PAX7: variants seen among roughly 807,000 people sequenced by gnomAD.
PAX7 encodes the protein paired box protein Pax-7.
A neutral mutation model predicts 50.7 loss-of-function variants in PAX7; 18 were observed. The ratio of observed to expected loss-of-function variants is 0.36; its 90% CI spans 0.25 to 0.53. The LOEUF is 0.53. PAX7 is among the 20% of genes least tolerant of loss of function. PAX7 has a pLI of 0.93. For synonymous variants in PAX7, 310 were observed against 290.4 expected (o/e 1.07, Z -0.69); for missense variants, 644 against 702.9 (o/e 0.92, Z 0.95).
chr1:18,650,083 GC>G (rs987514079), intron 4 of PAX7, among the ~76,000 whole-genome samples: 1 of 152,198 alleles, frequency 6.6e-6, no homozygotes, highest in Non-Finnish European at 1.5e-5. Context: ...GGGAGGCAGG[GC>G]TTTGTCCTGG....
intron 7 of PAX7, among the ~76,000 whole-genome samples, chr1:18,716,099 C>T (rs1055693954): frequency 4.6e-5 from 7 of 152,154 alleles, no homozygotes; most frequent in East Asian, 1.9e-4. Flanking sequence ...GCTGTGAACA[C>T]GCTTCTCCAA....
chr1:18,698,272 TACAC>T (rs71018097), intron 5 of PAX7, among the ~76,000 whole-genome samples: 66 of 147,416 alleles, frequency 4.5e-4, no homozygotes, highest in South Asian at 8.7e-4. Context: ...ATTGTTAAAA[TACAC>T]ACACACACAC....
intron 4 of PAX7, among the ~76,000 whole-genome samples, chr1:18,662,378 A>G (rs1273240371): frequency 2.6e-5 from 4 of 152,202 alleles, no homozygotes; most frequent in Non-Finnish European, 5.9e-5. Context: ...ACCTTTCTGC[A>G]GTCCTGGAAT....
chr1:18,655,011 A>G (rs975757632), intron 4 of PAX7, among the ~76,000 whole-genome samples: 1 of 152,216 alleles, frequency 6.6e-6, no homozygotes, highest in African/African-American at 2.4e-5. Context: ...CCACCGTGAT[A>G]TTAGTTCCTG....
intron 4 of PAX7, among the ~76,000 whole-genome samples, chr1:18,660,952 T>G (rs1022372657): frequency 4.6e-5 from 7 of 152,074 alleles, no homozygotes; most frequent in African/African-American, 1.7e-4. Flanking sequence ...CGTTAGGGTT[T>G]TGTAAGGCTG....
chr1:18,631,106 G>C lies in PAX7; in HGVS notation c.-498G>C, dbSNP rs1002378698. 4.4e-6 allele frequency: 1 copy of C among 228,776 alleles called. No individual in the cohort carries two copies. Among genetic ancestry groups the C allele is most frequent in the African/African-American group, 2.2e-5 (1 of 44,994 alleles). 14.2% of individuals were successfully genotyped at this position (228,776 alleles called of 1,614,324 possible). On this transcript the variant is annotated 5_prime_UTR_variant, in exon 1 of 9. Transcript: ENST00000420770. ...AGAGAATAAATATATAAATAAATAC[G>C]AGAACGAAATCCACTCCGCAGTCTC...
At chr1:18,669,588 C>CCGA (rs1270650135) in intron 4 of PAX7, among the ~76,000 whole-genome samples, 1 of 152,124 alleles carries the variant, frequency 6.6e-6, no homozygotes, top group East Asian at 1.9e-4. Flanking sequence ...CCAGCTTGAA[C>CCGA]CGACTCTTTT....
chr1:18,697,177 C>T (rs1241475318), intron 5 of PAX7, among the ~76,000 whole-genome samples: 1 of 152,150 alleles, frequency 6.6e-6, no homozygotes, highest in African/African-American at 2.4e-5. Context: ...GGACACAGTA[C>T]ACAGATGGCA....
intron 8 of PAX7, among the ~76,000 whole-genome samples, chr1:18,740,134 C>T (rs893155558): frequency 6.6e-6 from 1 of 152,192 alleles, no homozygotes; most frequent in African/African-American, 2.4e-5. Context: ...TGCGGAGAGA[C>T]AGAGGGACAG....
At chr1:18,685,212 C>T (rs2088957378) in intron 4 of PAX7, among the ~76,000 whole-genome samples, 1 of 152,168 alleles carries the variant, frequency 6.6e-6, no homozygotes, top group Non-Finnish European at 1.5e-5. Flanking sequence ...GATAACACTG[C>T]CTGCCTTCCC....
At chr1:18,727,571 C>T (rs1435082328) in intron 7 of PAX7, among the ~76,000 whole-genome samples, 1 of 152,138 alleles carries the variant, frequency 6.6e-6, no homozygotes, top group Non-Finnish European at 1.5e-5. Flanking sequence ...CTGGGTGAGC[C>T]GCTAAGCCTC....
At chr1:18,637,424 G>T (rs1214824473) in intron 4 of PAX7, among the ~76,000 whole-genome samples, 2 of 152,202 alleles carry the variant, frequency 1.3e-5, no homozygotes, top group African/African-American at 4.8e-5. Flanking sequence ...CGGAGAGGCG[G>T]CAGGCTGAGG....
intron 4 of PAX7, among the ~76,000 whole-genome samples, chr1:18,652,481 G>C (rs917781213): frequency 6.6e-6 from 1 of 152,198 alleles, no homozygotes; most frequent in Non-Finnish European, 1.5e-5. Flanking sequence ...AATTGTGATA[G>C]AAAGGGACTG....
intron 4 of PAX7, among the ~76,000 whole-genome samples, chr1:18,643,664 T>C (rs1384014351): frequency 2.0e-5 from 3 of 151,926 alleles, no homozygotes; most frequent in East Asian, 2.0e-4. Flanking sequence ...TAGGGGAAGA[T>C]AGGAGGCGGG....
At chr1:18,670,682 C>G (rs901358722) in intron 4 of PAX7, among the ~76,000 whole-genome samples, 1 of 152,170 alleles carries the variant, frequency 6.6e-6, no homozygotes, top group Non-Finnish European at 1.5e-5. Context: ...CCTTGCTGGC[C>G]TCTCTCCAGG....
intron 7 of PAX7, among the ~76,000 whole-genome samples, chr1:18,733,610 G>C (rs962695074): frequency 6.6e-6 from 1 of 152,150 alleles, no homozygotes; most frequent in Non-Finnish European, 1.5e-5. Flanking sequence ...GAGACCCCCA[G>C]GGCTGAGGGC....
chr1:18,743,350 C>T (rs551027), intron 8 of PAX7, among the ~76,000 whole-genome samples: 138,405 of 152,296 alleles, frequency 0.91, 63,060 homozygotes, highest in African/African-American at 0.96. Context: ...CGTGGCTCAA[C>T]GATTGGCACT....
At chr1:18,668,619 G>A (rs1436735787) in intron 4 of PAX7, among the ~76,000 whole-genome samples, 1 of 152,148 alleles carries the variant, frequency 6.6e-6, no homozygotes. Flanking sequence ...TGGGAGGATG[G>A]CATGAGCCTG....
At chr1:18,677,884 C>G (rs2088845739) in intron 4 of PAX7, among the ~76,000 whole-genome samples, 1 of 149,446 alleles carries the variant, frequency 6.7e-6, no homozygotes, top group Admixed American at 6.7e-5. Context: ...GAGTTCAAGA[C>G]CAGCCTGACC....
Sources: allele counts gnomAD v4.1 joint callset (sites outside exome capture counted in the v4.1 genomes callset), GRCh38; gene constraint gnomAD v4.1.1; transcripts MANE v1.5; gene names NCBI Gene and HGNC (gene_info 2026-07-23, HGNC 2026-07-21).